LBP: variants seen among roughly 807,000 people sequenced by gnomAD.
The protein encoded by LBP is lipopolysaccharide binding protein.
LBP carries 53 observed loss-of-function variants against 56.6 expected under a neutral mutation model. That is an observed-to-expected ratio of 0.94 (90% CI 0.75 to 1.18). The LOEUF is 1.18. Among genes scored for constraint, LBP ranks in the 50% most tolerant of loss-of-function variants. The probability of loss-of-function intolerance (pLI) is 0.00; values close to 1 mark genes in which losing one functional copy is unlikely to be tolerated. For missense variants in LBP, 601 were observed against 598.3 expected (o/e 1.00, Z -0.05); for synonymous variants, 227 against 247.5 (o/e 0.92, Z 0.78).
intron 3 of LBP, among the ~76,000 whole-genome samples, chr20:38,351,341 G>GT (rs1315896441): frequency 6.6e-6 from 1 of 152,196 alleles, no homozygotes; most frequent in Non-Finnish European, 1.5e-5. Flanking sequence ...AGTCAGCCTG[G>GT]TGGGCAAGTG....
At chr20:38,365,845 A>T (rs2076880103) in intron 8 of LBP, among the ~76,000 whole-genome samples, 1 of 151,822 alleles carries the variant, frequency 6.6e-6, no homozygotes, top group Non-Finnish European at 1.5e-5. Flanking sequence ...ACAATTATAA[A>T]GACACTGAGC....
rs1413087243 is a variant in LBP, at chr20:38,360,715, G to T, written c.600G>T (p.Met200Ile). 1 of 1,612,888 alleles carries T rather than the reference G, an allele frequency of 6.2e-7. No individual in the cohort carries two copies. The highest frequency in any genetic ancestry group is 8.5e-7 in the Non-Finnish European group (1 of 1,178,976). The change falls in exon 6 of 15, where the codon ATG (methionine) becomes ATT (isoleucine). Residue 200 changes from methionine (M) to isoleucine (I), a missense_variant. Transcript: ENST00000217407. ...CCCATGTTTTTCAGATTTGCGAAAT[G>T]ATCCAGAAATCAGTGTCCTCCGATC... ...QKVLESRICE[M>I]IQKSVSSDLQ...
intron 2 of LBP, among the ~76,000 whole-genome samples, chr20:38,350,178 C>T (rs1420095903): frequency 2.0e-5 from 3 of 152,140 alleles, no homozygotes; most frequent in South Asian, 2.1e-4. Context: ...AGTGAAGAAA[C>T]GACAATCAGA....
At chr20:38,353,056 A>C (rs6014805) in intron 3 of LBP, among the ~76,000 whole-genome samples, 1 of 152,038 alleles carries the variant, frequency 6.6e-6, no homozygotes, top group African/African-American at 2.4e-5. Context: ...GGAACTGGCC[A>C]CACTCTCTTA....
intron 14 of LBP, among the ~76,000 whole-genome samples, chr20:38,375,711 A>G (rs574487081): frequency 4.6e-5 from 7 of 152,242 alleles, no homozygotes; most frequent in Non-Finnish European, 1.0e-4. Context: ...TTTGTGGTCT[A>G]TCTGTGCTTC....
chr20:38,350,696 C>T (rs2122594888), intron 2 of LBP, 115 bp from the exon 3 acceptor site: 1 of 1,216,292 alleles, frequency 8.2e-7, no homozygotes, highest in Non-Finnish European at 1.1e-6. Flanking sequence ...CAGGTGCTTA[C>T]CTGGAGCAGA....
At chr20:38,371,469 C>T (rs931514953) in intron 12 of LBP, 147 bp downstream of exon 12, 9 of 627,978 alleles carry the variant, frequency 1.4e-5, no homozygotes, top group Admixed American at 2.9e-5. Flanking sequence ...CTCGAAAACA[C>T]AAGACATAGG....
chr20:38,365,489 G>A (rs1010810538), intron 8 of LBP, among the ~76,000 whole-genome samples: 3 of 151,612 alleles, frequency 2.0e-5, no homozygotes, highest in Admixed American at 6.6e-5. Context: ...CTGAGGTCAC[G>A]AGTTCAAGAC....
intron 11 of LBP, among the ~76,000 whole-genome samples, 170 bp from the exon 12 acceptor site, chr20:38,371,110 T>G (rs1345077426): frequency 2.0e-5 from 3 of 152,218 alleles, no homozygotes; most frequent in African/African-American, 7.2e-5. Flanking sequence ...GTCTTCCCGA[T>G]GTCATTGTAT....
intron 6 of LBP, among the ~76,000 whole-genome samples, chr20:38,362,477 G>A (rs1192441756): frequency 1.3e-5 from 2 of 151,336 alleles, no homozygotes; most frequent in African/African-American, 2.4e-5. Context: ...GCCAGGTGCC[G>A]TGGTGGATGC....
At chr20:38,371,472 G>T (rs1327373217) in intron 12 of LBP, 150 bp downstream of exon 12, 1 of 619,256 alleles carries the variant, frequency 1.6e-6, no homozygotes, top group Non-Finnish European at 2.9e-6. Context: ...GAAAACACAA[G>T]ACATAGGGCC....
intron 6 of LBP, among the ~76,000 whole-genome samples, chr20:38,361,385 A>T (rs1011410907): frequency 2.6e-5 from 4 of 152,130 alleles, no homozygotes; most frequent in Non-Finnish European, 5.9e-5. Context: ...ATGTTCATAT[A>T]CATATAGTAT....
Position 38,374,032 on chromosome 20 carries a change from G to T in LBP, c.1401+19G>T, listed in dbSNP as rs1405916406. 1 of 1,611,928 alleles carries T rather than the reference G, an allele frequency of 6.2e-7. No individual in the cohort carries two copies. Reference sequence around the variant, plus strand: ...CCATAAGGTCGGTGGGTTCAGGGGGGCTCTGAGGATGTGTGAGGGAGGAGG... The same window carrying T: ...CCATAAGGTCGGTGGGTTCAGGGGGTCTCTGAGGATGTGTGAGGGAGGAGG... On this transcript the variant is annotated intron_variant, in intron 14 of 14. Coordinates refer to ENST00000217407, the MANE Select transcript of LBP (RefSeq NM_004139.5).
intron 5 of LBP, among the ~76,000 whole-genome samples, chr20:38,357,639 A>G (rs2076845909): frequency 6.6e-6 from 1 of 152,220 alleles, no homozygotes; most frequent in South Asian, 2.1e-4. Flanking sequence ...TCATAAAGTG[A>G]AAGCAAGTTT....
chr20:38,373,448 A>T (rs1348131911), intron 13 of LBP, among the ~76,000 whole-genome samples: 1 of 152,214 alleles, frequency 6.6e-6, no homozygotes, highest in Non-Finnish European at 1.5e-5. Flanking sequence ...GACCAAGTTA[A>T]TATAGAAGGC....
At chr20:38,360,794 A>G (rs776261230) in intron 6 of LBP, 27 bp downstream of exon 6, 4 of 1,549,382 alleles carry the variant, frequency 2.6e-6, no homozygotes, top group Non-Finnish European at 3.6e-6. Context: ...ATCCCGGGAC[A>G]CTTTTATTTC....
chr20:38,350,676 T>C, intron 2 of LBP, 135 bp from the exon 3 acceptor site: 2 of 952,532 alleles, frequency 2.1e-6, no homozygotes, highest in South Asian at 1.9e-5. Context: ...GATCGATGCC[T>C]GGGGCACAGC....
intron 14 of LBP, among the ~76,000 whole-genome samples, chr20:38,376,016 A>C (rs1015917087): frequency 2.6e-5 from 4 of 152,254 alleles, no homozygotes; most frequent in African/African-American, 9.6e-5. Flanking sequence ...GTGACAGTTC[A>C]TACCATCGGC....
intron 13 of LBP, among the ~76,000 whole-genome samples, 157 bp downstream of exon 13, chr20:38,373,292 T>C (rs1302000938): frequency 2.0e-5 from 3 of 152,150 alleles, no homozygotes; most frequent in East Asian, 1.9e-4. Context: ...CATGGGATCG[T>C]TGAAGTTGGC....
Sources: allele counts gnomAD v4.1 joint callset (sites outside exome capture counted in the v4.1 genomes callset), GRCh38; gene constraint gnomAD v4.1.1; transcripts MANE v1.5; gene names NCBI Gene and HGNC (gene_info 2026-07-23, HGNC 2026-07-21).